Variants in SEMA3A observed in about 807,000 individuals in gnomAD.
The protein encoded by SEMA3A is semaphorin 3A.
SEMA3A carries 29 observed loss-of-function variants against 97.9 expected under a neutral mutation model. That is an observed-to-expected ratio of 0.30 (90% CI 0.22 to 0.40). SEMA3A has a LOEUF of 0.40. Among genes scored for constraint, SEMA3A ranks in the 10% least tolerant of loss-of-function variants. The pLI is 1.00. For missense variants in SEMA3A, 763 were observed against 951.3 expected, an observed-to-expected ratio of 0.80 and a Z score of 2.60; for synonymous variants, 321 against 323.7, an observed-to-expected ratio of 0.99 and a Z score of 0.09.
chr7:83,966,322 T>C lies in SEMA3A; in HGVS notation c.1718-2975A>G, dbSNP rs73394455. 6.4e-3 allele frequency among the ~76,000 whole-genome samples: 975 copies of C among 152,274 alleles called. 7 individuals are homozygous for C. The highest frequency in any genetic ancestry group is 0.022 in the African/African-American group (907 of 41,562). ...TTGATTTAGCAATTATGATAACAAA[T>C]TGTTTTTAGTTTAATATACTAATAT... On this transcript the variant is annotated intron_variant, in intron 15 of 16. Coordinates refer to ENST00000265362, the MANE Select transcript of SEMA3A (RefSeq NM_006080.3).
At chr7:84,337,147 G>T (rs1011519105) in intron 2 of SEMA3A, among the ~76,000 whole-genome samples, 6 of 152,112 alleles carry the variant, frequency 3.9e-5, no homozygotes, top group African/African-American at 1.4e-4. Context: ...TTGATATGAG[G>T]ATTAACATGA....
At chr7:84,005,178 C>CT (rs1554391975) in intron 11 of SEMA3A, among the ~76,000 whole-genome samples, 161 bp downstream of exon 11, 1 of 152,048 alleles carries the variant, frequency 6.6e-6, no homozygotes, top group Admixed American at 6.6e-5. Context: ...CAACAGTAGG[C>CT]TATTAGTAGT....
chr7:84,477,106 A>T (rs2116424193), intron 1 of SEMA3A, among the ~76,000 whole-genome samples: 1 of 148,732 alleles, frequency 6.7e-6, no homozygotes, highest in East Asian at 2.0e-4. Flanking sequence ...TTCAAAAAAA[A>T]TCCTTTATAT....
intron 1 of SEMA3A, among the ~76,000 whole-genome samples, chr7:84,479,631 T>A (rs1806391311): frequency 6.6e-6 from 1 of 152,130 alleles, no homozygotes; most frequent in Non-Finnish European, 1.5e-5. Flanking sequence ...AGCTCAAGAT[T>A]TCAGAAAATC....
intron 3 of SEMA3A, among the ~76,000 whole-genome samples, chr7:84,259,487 G>C (rs1326016269): frequency 6.6e-6 from 1 of 151,920 alleles, no homozygotes; most frequent in African/African-American, 2.4e-5. Context: ...AGGGAATTGG[G>C]GGTGAAATGA....
rs1366319942 is a variant in SEMA3A, at chr7:83,989,767, G to A, written c.1453-4290C>T. Among the ~76,000 whole-genome samples the A allele has an allele frequency of 2.2e-4, 32 of 148,066 alleles. 1 individual carries two copies. The highest frequency in any genetic ancestry group is 5.0e-4 in the African/African-American group (20 of 39,946). On this transcript the variant is annotated intron_variant, in intron 12 of 16. Coordinates refer to ENST00000265362, the MANE Select transcript of SEMA3A (RefSeq NM_006080.3). Reference sequence around the variant, plus strand: ...AGTCTTTGCTATTGTGAATACTGCCGCAATAAACATACGTGTGCATGTGTC... The same window carrying A: ...AGTCTTTGCTATTGTGAATACTGCCACAATAAACATACGTGTGCATGTGTC...
intron 15 of SEMA3A, among the ~76,000 whole-genome samples, chr7:83,969,266 T>C (rs892573073): frequency 1.5e-4 from 23 of 152,324 alleles, no homozygotes; most frequent in African/African-American, 4.3e-4. Flanking sequence ...AAATCCTTTA[T>C]TGAGAATCCA....
intron 6 of SEMA3A, among the ~76,000 whole-genome samples, chr7:84,034,779 G>A (rs1488924808): frequency 9.8e-6 from 1 of 102,306 alleles, no homozygotes; most frequent in African/African-American, 3.5e-5. Flanking sequence ...CCTATTTCCT[G>A]TTTTTTTGTC....
rs376688908 is a variant in SEMA3A at position 84,250,882 on chromosome 7, G to A, written c.-82-56214C>T. ...ATCTATTAGGCCTCAACTTTTACTT[G>A]TCAATTATTAAATACCAGTTTCTTG... On this transcript the variant is annotated intron_variant, in intron 3 of 3. Transcript: ENST00000424555. 6.6e-5 allele frequency among the ~76,000 whole-genome samples: 10 copies of A among 152,112 alleles called. 1 individual carries two copies. Among genetic ancestry groups the A allele is most frequent in the Admixed American group, 1.3e-4 (2 of 15,268 alleles).
At chr7:84,267,049 T>A (rs2115685899) in intron 3 of SEMA3A, among the ~76,000 whole-genome samples, 1 of 152,246 alleles carries the variant, frequency 6.6e-6, no homozygotes, top group South Asian at 2.1e-4. Flanking sequence ...ACATACACGT[T>A]ACTAAGCACA....
intron 3 of SEMA3A, among the ~76,000 whole-genome samples, chr7:84,293,712 A>T (rs2115794570): frequency 6.6e-6 from 1 of 152,144 alleles, no homozygotes; most frequent in South Asian, 2.1e-4. Context: ...GTTACAATTA[A>T]TATTTTCAAG....
At chr7:84,119,319 G>C (rs1795529742) in intron 3 of SEMA3A, among the ~76,000 whole-genome samples, 1 of 152,074 alleles carries the variant, frequency 6.6e-6, no homozygotes, top group Admixed American at 6.6e-5. Flanking sequence ...GAAGCTTCAG[G>C]AATTTTCTGC....
chr7:84,467,511 A>G (rs1228347696), intron 1 of SEMA3A, among the ~76,000 whole-genome samples: 1 of 139,906 alleles, frequency 7.1e-6, no homozygotes, highest in Admixed American at 7.5e-5. Context: ...TGGGTGACAG[A>G]GCGAGACTCC....
At chr7:84,138,076 A>G (rs1013077120) in intron 1 of SEMA3A, among the ~76,000 whole-genome samples, 1 of 152,168 alleles carries the variant, frequency 6.6e-6, no homozygotes, top group Admixed American at 6.6e-5. Context: ...CTATAAAAAT[A>G]CTAGAACAAG....
chr7:84,153,842 T>C (rs145011137), intron 1 of SEMA3A, among the ~76,000 whole-genome samples: 1 of 152,264 alleles, frequency 6.6e-6, no homozygotes, highest in African/African-American at 2.4e-5. Context: ...AAATATTTCC[T>C]ATTTACATAA....
chr7:84,227,264 A>G (rs1453305187), intron 3 of SEMA3A, among the ~76,000 whole-genome samples: 1 of 152,022 alleles, frequency 6.6e-6, no homozygotes, highest in East Asian at 1.9e-4. Flanking sequence ...TGACTAATGT[A>G]GGAAGTCTTT....
intron 1 of SEMA3A, among the ~76,000 whole-genome samples, chr7:84,423,742 G>C (rs1035959852): frequency 6.6e-6 from 1 of 151,638 alleles, no homozygotes; most frequent in Non-Finnish European, 1.5e-5. Flanking sequence ...AAAAATATTT[G>C]CCAACTATAC....
chr7:84,478,646 A>G (rs1404508868), intron 1 of SEMA3A, among the ~76,000 whole-genome samples: 10 of 152,008 alleles, frequency 6.6e-5, no homozygotes, highest in African/African-American at 2.4e-4. Flanking sequence ...TAATATTTCA[A>G]TATAATTAGT....
At chr7:84,090,720 A>G (rs1794538373) in intron 4 of SEMA3A, among the ~76,000 whole-genome samples, 1 of 152,136 alleles carries the variant, frequency 6.6e-6, no homozygotes, top group Non-Finnish European at 1.5e-5. Flanking sequence ...ATTTATTGAA[A>G]TTAATAAATA....
Sources: allele counts gnomAD v4.1 joint callset (sites outside exome capture counted in the v4.1 genomes callset), GRCh38; gene constraint gnomAD v4.1.1; transcripts MANE v1.5; gene names NCBI Gene and HGNC (gene_info 2026-07-23, HGNC 2026-07-21).